PTBP3: variants seen among roughly 807,000 people sequenced by gnomAD.
PTBP3 encodes polypyrimidine tract-binding protein 3.
In PTBP3, 20 loss-of-function variants were observed where a neutral mutation model predicts 58.7. That is an observed-to-expected ratio of 0.34 (90% CI 0.24 to 0.50). The LOEUF is 0.50. Among genes scored for constraint, PTBP3 ranks in the 20% least tolerant of loss-of-function variants. The probability of loss-of-function intolerance (pLI) is 0.98; values close to 1 mark genes in which losing one functional copy is unlikely to be tolerated. For missense variants in PTBP3, 509 were observed against 637.2 expected, an observed-to-expected ratio of 0.80 and a Z score of 2.17; for synonymous variants, 185 against 219.8, an observed-to-expected ratio of 0.84 and a Z score of 1.40.
intron 2 of PTBP3, among the ~76,000 whole-genome samples, chr9:112,279,901 G>A (rs1020211320): frequency 1.1e-5 from 1 of 93,962 alleles, no homozygotes; most frequent in Non-Finnish European, 2.0e-5. Context: ...AATTTTTAAT[G>A]GATCAGTAAC....
At chr9:112,291,799 G>A (rs771436410) in intron 2 of PTBP3, among the ~76,000 whole-genome samples, 9 of 152,200 alleles carry the variant, frequency 5.9e-5, no homozygotes, top group African/African-American at 1.4e-4. Context: ...CTTCATGACA[G>A]TGGATTTGGC....
At chr9:112,267,267 G>A (rs1182973137) in intron 4 of PTBP3, among the ~76,000 whole-genome samples, 2 of 150,238 alleles carry the variant, frequency 1.3e-5, no homozygotes, top group East Asian at 2.0e-4. Context: ...CCAGGCTCAC[G>A]CCATTCCCCT....
At chr9:112,239,879 G>GAGGGA (rs1835585535) in intron 7 of PTBP3, among the ~76,000 whole-genome samples, 1 of 102,514 alleles carries the variant, frequency 9.8e-6, no homozygotes, top group African/African-American at 3.7e-5. Flanking sequence ...GGGAGGGAGG[G>GAGGGA]AGGCAAGGAA....
At chr9:112,313,080 T>C (rs903860412) in intron 1 of PTBP3, among the ~76,000 whole-genome samples, 15 of 152,060 alleles carry the variant, frequency 9.9e-5, no homozygotes, top group Non-Finnish European at 1.9e-4. Context: ...AAAGTACATA[T>C]GTGGTATGTA....
Position 112,220,427 on chromosome 9 carries a change from A to G in PTBP3, c.*3424T>C. 8.5e-7 allele frequency: 1 copy of G among 1,176,258 alleles called. No individual in the cohort carries two copies. Among genetic ancestry groups the G allele is most frequent in the Non-Finnish European group, 1.1e-6 (1 of 937,174 alleles). The allele number at this position is 1,176,258 out of a possible 1,614,324, so 72.9% of individuals were successfully genotyped here. Reference sequence around the variant, plus strand: ...GAAATTGAGCAGAGGCATTCATAGGAGCCACTTCTCATCAACTAAAACAGA... The same window carrying G: ...GAAATTGAGCAGAGGCATTCATAGGGGCCACTTCTCATCAACTAAAACAGA... On this transcript the variant is annotated 3_prime_UTR_variant, in exon 14 of 14. Coordinates refer to ENST00000374257, the MANE Select transcript of PTBP3 (RefSeq NM_001163788.4).
chr9:112,258,210 A>T (rs1054871646), intron 5 of PTBP3, among the ~76,000 whole-genome samples: 11 of 152,206 alleles, frequency 7.2e-5, no homozygotes, highest in Non-Finnish European at 1.5e-4. Flanking sequence ...CCCATGTATA[A>T]CAGTACTCAG....
intron 3 of PTBP3, among the ~76,000 whole-genome samples, chr9:112,271,731 C>T (rs887821546): frequency 6.6e-6 from 1 of 151,580 alleles, no homozygotes; most frequent in Non-Finnish European, 1.5e-5. Context: ...AGCAAGACTC[C>T]GCTTCAAGAA....
intron 2 of PTBP3, among the ~76,000 whole-genome samples, chr9:112,290,277 G>C (rs1031890216): frequency 6.6e-6 from 1 of 152,064 alleles, no homozygotes; most frequent in Admixed American, 6.5e-5. Context: ...ATATCCAAAT[G>C]ATCAGTAAGC....
At position 112,247,980 on chromosome 9, in the gene PTBP3, T is replaced by C. The variant is rs182437559; in HGVS notation, c.802+2949A>G. ...CACATAAATACTCAGATGATCTAAG[T>C]AAATATGGCATGATATTAACAATAG... On this transcript the variant is annotated intron_variant, in intron 7 of 13. Coordinates refer to ENST00000374257, the MANE Select transcript of PTBP3 (RefSeq NM_001163788.4). Among the ~76,000 whole-genome samples, 4 of 152,216 alleles carry C rather than the reference T, an allele frequency of 2.6e-5. No homozygotes were observed. In the East Asian group the frequency reaches 7.7e-4, roughly 29 times the overall value.
rs78531355 is a variant in PTBP3 at position 112,307,686 on chromosome 9, T to C, written c.-51-9770A>G. On this transcript the variant is annotated intron_variant, in intron 1 of 13. Transcript: ENST00000374257. ...AATAATTCTGATAACCACAATTTTC[T>C]AGCCAAGTTTTTTCCCAAGAACTCA... is the stretch of plus-strand genomic sequence containing the variant. Among the ~76,000 whole-genome samples the C allele has an allele frequency of 3.1e-4, 47 of 152,342 alleles. No individual in the cohort carries two copies. The East Asian group carries it at 8.9e-3, about 29-fold the overall frequency.
At chr9:112,239,981 A>C (rs1164083168) in intron 7 of PTBP3, among the ~76,000 whole-genome samples, 1 of 152,080 alleles carries the variant, frequency 6.6e-6, no homozygotes, top group African/African-American at 2.4e-5. Flanking sequence ...CTGGGAGAAA[A>C]GTACTCCAGG....
intron 1 of PTBP3, among the ~76,000 whole-genome samples, chr9:112,306,495 C>T (rs1043616010): frequency 4.0e-5 from 6 of 150,626 alleles, no homozygotes; most frequent in Non-Finnish European, 7.4e-5. Flanking sequence ...CTCTGAATTA[C>T]CATTGGACTT....
chr9:112,315,390 A>T (rs996502333), intron 1 of PTBP3, among the ~76,000 whole-genome samples: 3 of 152,182 alleles, frequency 2.0e-5, no homozygotes, highest in Admixed American at 6.5e-5. Flanking sequence ...CCAAAAGAGA[A>T]GTCCCAAGGA....
the PTBP3 span, among the ~76,000 whole-genome samples, chr9:112,350,983 C>G: frequency 1.3e-5 from 2 of 151,862 alleles, no homozygotes; most frequent in Admixed American, 1.3e-4. Context: ...ATTTTTAGTA[C>G]CATGTTGGCC....
the PTBP3 span, among the ~76,000 whole-genome samples, chr9:112,347,341 CTTTT>C: frequency 7.6e-5 from 10 of 130,878 alleles, no homozygotes; most frequent in African/African-American, 1.8e-4. Context: ...ACTGGGATAC[CTTTT>C]TTTTTTTTTT....
At chr9:112,312,483 T>G (rs1237098780) in intron 1 of PTBP3, among the ~76,000 whole-genome samples, 6 of 53,292 alleles carry the variant, frequency 1.1e-4, no homozygotes, top group Admixed American at 6.8e-4. Flanking sequence ...CTTGTTTTTT[T>G]TTTTGTTTTT....
At chr9:112,343,420 C>T in the PTBP3 span, among the ~76,000 whole-genome samples, 1 of 151,948 alleles carries the variant, frequency 6.6e-6, no homozygotes, top group African/African-American at 2.4e-5. Context: ...GTTTTCACTA[C>T]CACTACAAGC....
intron 4 of PTBP3, among the ~76,000 whole-genome samples, chr9:112,267,370 T>C (rs1836846901): frequency 6.6e-6 from 1 of 152,110 alleles, no homozygotes; most frequent in Non-Finnish European, 1.5e-5. Context: ...GGTTTCACTG[T>C]GTTAGCCAGG....
chr9:112,376,544 G>A, the PTBP3 span, among the ~76,000 whole-genome samples: 3 of 151,916 alleles, frequency 2.0e-5, no homozygotes, highest in Admixed American at 6.6e-5. Context: ...AAGCCACCGC[G>A]CCCAGCCTAT....
Sources: gnomAD v4.1 joint callset for allele counts (sites outside exome capture counted in the v4.1 genomes callset) on GRCh38, gnomAD v4.1.1 for gene constraint, MANE v1.5 for transcripts, NCBI Gene and HGNC (gene_info 2026-07-23, HGNC 2026-07-21) for gene names.